WDR89: variants seen among roughly 807,000 people sequenced by gnomAD.
WDR89 encodes WD repeat-containing protein 89.
A neutral mutation model predicts 29.1 loss-of-function variants in WDR89; 17 were observed. That is an observed-to-expected ratio of 0.58 (90% confidence interval 0.40 to 0.88). The LOEUF is 0.88. Among genes scored for constraint, WDR89 ranks in the 40% least tolerant of loss-of-function variants. The pLI is 0.00. For synonymous variants in WDR89, 138 were observed against 157.8 expected, an observed-to-expected ratio of 0.87 and a Z score of 0.94; for missense variants, 396 against 456.3, an observed-to-expected ratio of 0.87 and a Z score of 1.20.
At chr14:63,610,952 G>A (rs1240621408) in intron 2 of WDR89, among the ~76,000 whole-genome samples, 1 of 151,662 alleles carries the variant, frequency 6.6e-6, no homozygotes, top group Non-Finnish European at 1.5e-5. Context: ...CGCCCGCCTT[G>A]GCCTCCCAAA....
chr14:63,610,471 C>T (rs186555176), intron 2 of WDR89, among the ~76,000 whole-genome samples: 9 of 152,028 alleles, frequency 5.9e-5, no homozygotes, highest in African/African-American at 1.9e-4. Context: ...GAATAGAGTA[C>T]AGAAAAGGTA....
intron 1 of WDR89, among the ~76,000 whole-genome samples, chr14:63,637,973 C>T (rs1883848800): frequency 6.6e-6 from 1 of 151,596 alleles, no homozygotes; most frequent in Non-Finnish European, 1.5e-5. Flanking sequence ...TTCAAAACAG[C>T]CTCGCTCTGT....
At chr14:63,607,608 A>C (rs944206250) in intron 2 of WDR89, among the ~76,000 whole-genome samples, 1 of 151,820 alleles carries the variant, frequency 6.6e-6, no homozygotes, top group Non-Finnish European at 1.5e-5. Context: ...CAGGCCAGGC[A>C]TGGTGGCTCA....
intron 2 of WDR89, among the ~76,000 whole-genome samples, chr14:63,619,948 T>C (rs558752353): frequency 7.2e-6 from 1 of 138,430 alleles, no homozygotes; most frequent in African/African-American, 2.8e-5. Context: ...GAGCTTGCAG[T>C]GAGCCAAGAT....
At chr14:63,608,884 C>A (rs913470120) in intron 2 of WDR89, among the ~76,000 whole-genome samples, 2 of 152,038 alleles carry the variant, frequency 1.3e-5, no homozygotes, top group African/African-American at 2.4e-5. Flanking sequence ...TGGGAGATCA[C>A]GAGGTTGGGA....
intron 1 of WDR89, among the ~76,000 whole-genome samples, chr14:63,640,103 A>G (rs1014637092): frequency 6.6e-6 from 1 of 152,240 alleles, no homozygotes; most frequent in Admixed American, 6.5e-5. Flanking sequence ...TTCACAGGAA[A>G]GTATTCCTGA....
intron 2 of WDR89, among the ~76,000 whole-genome samples, chr14:63,621,370 G>C (rs1233770488): frequency 6.6e-6 from 1 of 152,114 alleles, no homozygotes; most frequent in Non-Finnish European, 1.5e-5. Context: ...GGCTGAGGCA[G>C]GTGGATCACC....
At chr14:63,641,452 T>A (rs1327378714) in intron 1 of WDR89, 3 of 152,206 alleles carry the variant, frequency 2.0e-5, no homozygotes, top group African/African-American at 7.2e-5. Context: ...GGGGAGAGTA[T>A]CCGTGGAGAG....
chr14:63,617,077 C>CTTT (rs10602220), intron 2 of WDR89, among the ~76,000 whole-genome samples: 11 of 104,104 alleles, frequency 1.1e-4, no homozygotes, highest in Non-Finnish European at 1.5e-4. Context: ...TAATTACAAG[C>CTTT]TTTTTTTTTT....
At chr14:63,609,657 G>A (rs1458817866) in intron 2 of WDR89, among the ~76,000 whole-genome samples, 5 of 152,122 alleles carry the variant, frequency 3.3e-5, no homozygotes, top group Non-Finnish European at 7.4e-5. Context: ...AAGGGTGGTG[G>A]CGCCCACCTA....
intron 1 of WDR89, among the ~76,000 whole-genome samples, chr14:63,635,841 A>G (rs1883699516): frequency 2.0e-5 from 3 of 152,242 alleles, no homozygotes; most frequent in Non-Finnish European, 4.4e-5. Flanking sequence ...ACAGCGACCA[A>G]GCAGAGAATC....
chr14:63,637,802 C>T (rs1025367181), intron 1 of WDR89, among the ~76,000 whole-genome samples: 12 of 151,214 alleles, frequency 7.9e-5, no homozygotes, highest in South Asian at 4.2e-4. Context: ...GGGACTTGGC[C>T]GGGGGAGGGG....
At position 63,599,987 on chromosome 14, in the gene WDR89, T is replaced by C. The variant is rs1894985853; in HGVS notation, c.-31-14A>G. On this transcript the variant is annotated splice_polypyrimidine_tract_variant and intron_variant, in intron 2 of 2. Transcript: ENST00000620954. ...GGTAGTAAAACTCTGTAAAAAATAA[T>C]AATAATAAAAATAAAAATTAATGCT... The C allele has an allele frequency of 3.0e-6, 4 of 1,325,742 alleles. No homozygotes were observed. The South Asian group carries it at 9.1e-5, about 30-fold the overall frequency. The allele number at this position is 1,325,742 out of a possible 1,614,324, so 82.1% of individuals were successfully genotyped here. A position where few individuals can be genotyped will look rare whatever the true frequency, so the allele number is the denominator to read the frequency against.
At chr14:63,620,246 C>T (rs944622874) in intron 2 of WDR89, among the ~76,000 whole-genome samples, 3 of 152,066 alleles carry the variant, frequency 2.0e-5, no homozygotes, top group Admixed American at 2.0e-4. Context: ...TAGAATACTA[C>T]CTCAGCCTTA....
Position 63,597,724 on chromosome 14 carries a change from G to A in WDR89, c.*1055C>T, listed in dbSNP as rs367745254. ...GATTCTGAAAAACACAATTTTTAAC[G>A]CTTATGTAGTCCGCCATCAAAACAT... is the stretch of plus-strand genomic sequence containing the variant. On this transcript the variant is annotated 3_prime_UTR_variant, in exon 3 of 3. Transcript: ENST00000620954. The A allele has an allele frequency of 2.0e-4, 31 of 151,922 alleles. No individual in the cohort carries two copies. The highest frequency in any genetic ancestry group is 1.7e-3 in the East Asian group (9 of 5,170). The allele number at this position is 151,922 out of a possible 1,614,324, so 9.4% of individuals were successfully genotyped here. A position where few individuals can be genotyped will look rare whatever the true frequency, so the allele number is the denominator to read the frequency against.
intron 2 of WDR89, among the ~76,000 whole-genome samples, chr14:63,620,959 C>T (rs1029902312): frequency 6.6e-6 from 1 of 151,222 alleles, no homozygotes; most frequent in African/African-American, 2.4e-5. Context: ...GTTCTCACCA[C>T]ACCCAAAAAA....
In WDR89 at chr14:63,607,999, A is replaced by T. The variant is rs181655941; in HGVS notation, c.-31-8026T>A. 4.4e-3 allele frequency among the ~76,000 whole-genome samples: 670 copies of T among 152,182 alleles called. 4 individuals are homozygous for T. Among genetic ancestry groups the T allele is most frequent in the African/African-American group, 0.015 (637 of 41,544 alleles). On this transcript the variant is annotated intron_variant, in intron 2 of 2. Transcript: ENST00000620954. ...AAGGCGGGCAGATCACGAGGTCAGG[A>T]GTTTGAGACCAGCCTGGCCAACATG...
At chr14:63,626,430 G>A (rs1439015435) in intron 1 of WDR89, among the ~76,000 whole-genome samples, 2 of 151,810 alleles carry the variant, frequency 1.3e-5, no homozygotes, top group Admixed American at 6.6e-5. Flanking sequence ...CAGCGCTTTG[G>A]GAGGCCAAGG....
In WDR89 at chr14:63,599,191, G is replaced by A; in HGVS notation, c.752C>T (p.Thr251Ile). 6.2e-7 allele frequency: 1 copy of A among 1,608,420 alleles called. No individual in the cohort carries two copies. The highest frequency in any genetic ancestry group is 8.5e-7 in the Non-Finnish European group (1 of 1,176,228). Residue 251 changes from threonine to isoleucine, a missense_variant, in exon 3 of 3, where the codon ACT (threonine) becomes ATT (isoleucine). Thr to Ile is a moderately conservative substitution (Grantham distance 89). Transcript: ENST00000620954. ...GTTCAAACGTGTAACTGGTTCATCA[G>A]TGTCCAGATGATTAAGATCCCACCA... Reference protein sequence around the residue: ...FYWWDLNHLDTDEPVTRLNIQ... With the variant: ...FYWWDLNHLDIDEPVTRLNIQ...
Sources: allele counts gnomAD v4.1 joint callset (sites outside exome capture counted in the v4.1 genomes callset), GRCh38; gene constraint gnomAD v4.1.1; transcripts MANE v1.5; gene names NCBI Gene and HGNC (gene_info 2026-07-23, HGNC 2026-07-21).